IER3IP1: variants seen among roughly 807,000 people sequenced by gnomAD.
The protein encoded by IER3IP1 is immediate early response 3-interacting protein 1.
In IER3IP1, 16 loss-of-function variants were observed where a neutral mutation model predicts 12.2. The observed-to-expected ratio is 1.31, with a 90% CI of 0.89 to 1.99. IER3IP1 has a LOEUF of 1.99. Among genes scored for constraint, IER3IP1 ranks in the 30% most tolerant of loss-of-function variants. The pLI is 0.00. For synonymous variants in IER3IP1, 42 were observed against 40.0 expected (o/e 1.05, Z -0.19); for missense variants, 95 against 95.8 (o/e 0.99, Z 0.03).
At chr18:47,169,513 T>G (rs982656537) in intron 1 of IER3IP1, among the ~76,000 whole-genome samples, 1 of 152,174 alleles carries the variant, frequency 6.6e-6, no homozygotes, top group African/African-American at 2.4e-5. Context: ...TGAACCATTT[T>G]ACATTCTCTT....
chr18:47,157,189 G>C (rs1051863159), intron 2 of IER3IP1: 4 of 497,054 alleles, frequency 8.0e-6, no homozygotes, highest in Non-Finnish European at 1.4e-5. Context: ...AGCTCTGACA[G>C]GTAACACACA....
chr18:47,176,296 C>A lies in IER3IP1; in HGVS notation c.-19G>T, dbSNP rs548701628. Reference sequence around the variant, plus strand: ...AGGCCATGGCCGTCCGAGGCCGCCCCGAAGTCCAAGCGATTTCTCTCCCGC... The same window carrying A: ...AGGCCATGGCCGTCCGAGGCCGCCCAGAAGTCCAAGCGATTTCTCTCCCGC... On this transcript the variant is annotated 5_prime_UTR_variant, in exon 1 of 3. Coordinates refer to ENST00000256433, the MANE Select transcript of IER3IP1 (RefSeq NM_016097.5). 3 of 1,590,726 alleles carry A rather than the reference C, an allele frequency of 1.9e-6. No homozygotes were observed. Among genetic ancestry groups the A allele is most frequent in the East Asian group, 2.3e-5 (1 of 43,982 alleles).
Position 47,175,502 on chromosome 18 carries a change from T to G in IER3IP1, c.91+685A>C, listed in dbSNP as rs538546582. Among the ~76,000 whole-genome samples the G allele has an allele frequency of 9.8e-4, 149 of 152,258 alleles. 1 individual carries two copies. The highest frequency in any genetic ancestry group is 3.4e-3 in the African/African-American group (143 of 41,554). On this transcript the variant is annotated intron_variant, in intron 1 of 2. Transcript: ENST00000256433. ...TTTGTTAGACGGAGTCTCACTCTAT[T>G]GCCCAGGCTGGAGTGCAATGGCGCA...
chr18:47,173,290 T>A (rs1160166461), intron 1 of IER3IP1, among the ~76,000 whole-genome samples: 1 of 152,188 alleles, frequency 6.6e-6, no homozygotes, highest in Non-Finnish European at 1.5e-5. Context: ...GGCCAAGAGA[T>A]CTTTGACTTC....
In IER3IP1 at chr18:47,153,947, TC is replaced by T. The variant is rs896111740; in HGVS notation, c.*2229del. The T allele has an allele frequency of 2.6e-4, 40 of 152,336 alleles. 1 individual carries two copies. The highest frequency in any genetic ancestry group is 2.2e-3 in the Admixed American group (34 of 15,300). 9.4% of individuals were successfully genotyped at this position (152,336 alleles called of 1,614,324 possible). A position where few individuals can be genotyped will look rare whatever the true frequency, so the allele number is the denominator to read the frequency against. Reference sequence around the variant, plus strand: ...GAATGTTACAGTTCTGTGTCAGAATTCCTTTGAAAATCTGGTTCTGCTGTTA... The same window carrying T: ...GAATGTTACAGTTCTGTGTCAGAATTCTTTGAAAATCTGGTTCTGCTGTTA... On this transcript the variant is annotated 3_prime_UTR_variant, in exon 3 of 3. Transcript: ENST00000256433.
At chr18:47,168,765 G>C (rs907601967) in intron 1 of IER3IP1, among the ~76,000 whole-genome samples, 1 of 152,206 alleles carries the variant, frequency 6.6e-6, no homozygotes, top group Non-Finnish European at 1.5e-5. Flanking sequence ...GACCATAGAA[G>C]ATGTGTATGA....
intron 1 of IER3IP1, among the ~76,000 whole-genome samples, chr18:47,175,604 G>C (rs981343120): frequency 6.6e-6 from 1 of 152,076 alleles, no homozygotes. Context: ...GCTAATTTTT[G>C]TATTTCCACC....
intron 1 of IER3IP1, among the ~76,000 whole-genome samples, chr18:47,163,168 CAG>C (rs1453079486): frequency 3.3e-5 from 5 of 152,130 alleles, no homozygotes; most frequent in Non-Finnish European, 5.9e-5. Flanking sequence ...AGATTAATAA[CAG>C]TAACTCATAA....
intron 1 of IER3IP1, among the ~76,000 whole-genome samples, chr18:47,167,575 C>G (rs183141918): frequency 5.5e-4 from 84 of 152,196 alleles, no homozygotes; most frequent in African/African-American, 2.0e-3. Flanking sequence ...AAATTGAGAC[C>G]ATTCTACAAA....
chr18:47,167,213 G>A (rs1478752214), intron 1 of IER3IP1, among the ~76,000 whole-genome samples: 1 of 152,058 alleles, frequency 6.6e-6, no homozygotes, highest in Admixed American at 6.5e-5. Context: ...CACCAAGCCC[G>A]GCTAATTTTT....
intron 1 of IER3IP1, among the ~76,000 whole-genome samples, chr18:47,170,435 G>A (rs995113647): frequency 6.6e-6 from 1 of 151,972 alleles, no homozygotes; most frequent in African/African-American, 2.4e-5. Context: ...CTTCAAAAAA[G>A]CTAACTGGGA....
At position 47,176,351 on chromosome 18, in the gene IER3IP1, C is replaced by A. The variant is rs540577361; in HGVS notation, c.-74G>T. 3.7e-5 allele frequency: 48 copies of A among 1,314,210 alleles called. No homozygotes were observed. Among genetic ancestry groups the A allele is most frequent in the Non-Finnish European group, 5.0e-5 (47 of 938,192 alleles). The allele number at this position is 1,314,210 out of a possible 1,614,324, so 81.4% of individuals were successfully genotyped here. On this transcript the variant is annotated 5_prime_UTR_variant, in exon 1 of 3. Transcript: ENST00000256433. Reference sequence around the variant, plus strand: ...GCAAGGGACGTGGCGCCTCCACGGCCGGCGCCTTCCTACGGAAGCCGATGG... The same window carrying A: ...GCAAGGGACGTGGCGCCTCCACGGCAGGCGCCTTCCTACGGAAGCCGATGG...
chr18:47,170,516 TG>T (rs2064011976), intron 1 of IER3IP1, among the ~76,000 whole-genome samples: 1 of 152,128 alleles, frequency 6.6e-6, no homozygotes, highest in Non-Finnish European at 1.5e-5. Context: ...TTAAGTATTC[TG>T]ATCTGTGAAT....
chr18:47,170,093 T>G (rs1434278296), intron 1 of IER3IP1, among the ~76,000 whole-genome samples: 1 of 152,174 alleles, frequency 6.6e-6, no homozygotes, highest in Non-Finnish European at 1.5e-5. Context: ...GATTATGAGT[T>G]AATTTTTGAA....
At chr18:47,158,761 G>A (rs1312687979) in intron 1 of IER3IP1, among the ~76,000 whole-genome samples, 1 of 148,848 alleles carries the variant, frequency 6.7e-6, no homozygotes, top group East Asian at 2.2e-4. Flanking sequence ...AGGAGTTCGA[G>A]ACCAGCCTGG....
rs577258223 is a variant in IER3IP1, at chr18:47,155,264, A to T, written c.*913T>A. The T allele has an allele frequency of 6.6e-6, 1 of 152,220 alleles. No homozygotes were observed. Among genetic ancestry groups the T allele is most frequent in the Non-Finnish European group, 1.5e-5 (1 of 68,026 alleles). The allele number at this position is 152,220 out of a possible 1,614,324, so 9.4% of individuals were successfully genotyped here. ...TCCAGCATCAATGTCCTATTGACAAACTCAATGAAGAATTAAGAATCACAC... is the reference window on the plus strand; with the variant it reads ...TCCAGCATCAATGTCCTATTGACAATCTCAATGAAGAATTAAGAATCACAC... On this transcript the variant is annotated 3_prime_UTR_variant, in exon 3 of 3. Coordinates refer to ENST00000256433, the MANE Select transcript of IER3IP1 (RefSeq NM_016097.5).
At chr18:47,163,513 C>T (rs933543642) in intron 1 of IER3IP1, among the ~76,000 whole-genome samples, 4 of 152,168 alleles carry the variant, frequency 2.6e-5, no homozygotes, top group African/African-American at 9.7e-5. Context: ...TGATTGACTG[C>T]ATGTAACTGA....
chr18:47,162,143 G>A (rs1404887607), intron 1 of IER3IP1, among the ~76,000 whole-genome samples: 3 of 151,088 alleles, frequency 2.0e-5, no homozygotes, highest in East Asian at 3.9e-4. Context: ...AGTAATTTAG[G>A]GGTCCCCAAC....
rs1277449320 is a variant in IER3IP1, at chr18:47,155,092, T to A, written c.*1085A>T. ...ACAAATGTTCTCCTATAAACAAAGA[T>A]GCCATTCTACACCTTTAAAATATTG... is the stretch of plus-strand genomic sequence containing the variant. On this transcript the variant is annotated 3_prime_UTR_variant, in exon 3 of 3. Transcript: ENST00000256433. 1.3e-5 allele frequency: 2 copies of A among 152,188 alleles called. No individual in the cohort carries two copies. Among genetic ancestry groups the A allele is most frequent in the African/African-American group, 4.8e-5 (2 of 41,450 alleles). 9.4% of individuals were successfully genotyped at this position (152,188 alleles called of 1,614,324 possible).
Sources: allele counts gnomAD v4.1 joint callset (sites outside exome capture counted in the v4.1 genomes callset), GRCh38; gene constraint gnomAD v4.1.1; transcripts MANE v1.5; gene names NCBI Gene and HGNC (gene_info 2026-07-23, HGNC 2026-07-21).